Variants in SLC25A40 observed in about 807,000 individuals in gnomAD.
SLC25A40 encodes mitochondrial glutathione transporter SLC25A40.
A neutral mutation model predicts 46.5 loss-of-function variants in SLC25A40; 41 were observed. The ratio of observed to expected loss-of-function variants is 0.88; its 90% confidence interval spans 0.69 to 1.14. The LOEUF is 1.14. Among genes scored for constraint, SLC25A40 ranks in the 50% most tolerant of loss-of-function variants. SLC25A40 has a pLI of 0.00. For missense variants in SLC25A40, 386 were observed against 393.6 expected (o/e 0.98, Z 0.16); for synonymous variants, 126 against 127.5 (o/e 0.99, Z 0.08).
At chr7:87,853,236 C>T (rs1250161524) in intron 5 of SLC25A40, among the ~76,000 whole-genome samples, 1 of 152,160 alleles carries the variant, frequency 6.6e-6, no homozygotes, top group Non-Finnish European at 1.5e-5. Flanking sequence ...TGTTCAACAT[C>T]ATTAGCCACT....
In SLC25A40 at chr7:87,835,007, C is replaced by A. The variant is rs1341997603; in HGVS notation, c.*1242G>T. On this transcript the variant is annotated 3_prime_UTR_variant, in exon 12 of 12. Coordinates refer to ENST00000341119, the MANE Select transcript of SLC25A40 (RefSeq NM_018843.4). ...TCCTCTACCAGCACTAAAGACTTGT[C>A]ATCTAAATATATTCATTTTAGGGGA... The A allele has an allele frequency of 1.3e-5, 2 of 151,216 alleles. No individual in the cohort carries two copies. The allele number at this position is 151,216 out of a possible 1,614,324, so 9.4% of individuals were successfully genotyped here.
chr7:87,852,468 C>CG (rs1163626132), intron 5 of SLC25A40, among the ~76,000 whole-genome samples: 12 of 151,974 alleles, frequency 7.9e-5, no homozygotes, highest in Middle Eastern at 3.4e-3. Context: ...ATTTGGGAGA[C>CG]GGAGGTGGGA....
In SLC25A40 at chr7:87,833,630, A is replaced by G. The variant is rs1171017400; in HGVS notation, c.*2619T>C. On this transcript the variant is annotated 3_prime_UTR_variant, in exon 12 of 12. Transcript: ENST00000341119. ...TAGAAGAAAATTCAAAAGGGATACA[A>G]TAAACTTTTCCATATCCCAAAAACT... 1 of 151,990 alleles carries G rather than the reference A, an allele frequency of 6.6e-6. No homozygotes were observed. The highest frequency in any genetic ancestry group is 2.4e-5 in the African/African-American group (1 of 41,430). The allele number at this position is 151,990 out of a possible 1,614,324, so 9.4% of individuals were successfully genotyped here.
At chr7:87,836,879 T>G in intron 10 of SLC25A40, 69 bp from the exon 11 acceptor site, 1 of 936,930 alleles carries the variant, frequency 1.1e-6, no homozygotes, top group Non-Finnish European at 1.5e-6. Context: ...ACAGATAACA[T>G]AGTGTCCATG....
chr7:87,837,514 C>G (rs1472936228), intron 10 of SLC25A40, among the ~76,000 whole-genome samples: 1 of 150,954 alleles, frequency 6.6e-6, no homozygotes, highest in African/African-American at 2.4e-5. Flanking sequence ...AATAACATCT[C>G]GCTTATTTGC....
At chr7:87,865,435 TAG>T (rs1393866281) in intron 1 of SLC25A40, among the ~76,000 whole-genome samples, 1 of 152,210 alleles carries the variant, frequency 6.6e-6, no homozygotes, top group Non-Finnish European at 1.5e-5. Flanking sequence ...TGCTTCATAC[TAG>T]AGTTATGAGT....
intron 1 of SLC25A40, among the ~76,000 whole-genome samples, chr7:87,865,838 T>C (rs1370455035): frequency 3.3e-5 from 5 of 152,002 alleles, no homozygotes; most frequent in African/African-American, 1.2e-4. Context: ...TCCCAGCAGT[T>C]TGGAATGCCA....
intron 10 of SLC25A40, among the ~76,000 whole-genome samples, chr7:87,837,999 GC>G (rs1838280787): frequency 6.6e-6 from 1 of 151,458 alleles, no homozygotes; most frequent in Non-Finnish European, 1.5e-5. Context: ...CTAGAATTTT[GC>G]CACTTAATGG....
Position 87,847,846 on chromosome 7 carries a change from TACTC to T in SLC25A40, c.457+3_457+6del. 1 of 1,591,362 alleles carries T rather than the reference TACTC, an allele frequency of 6.3e-7. No individual in the cohort carries two copies. The highest frequency in any genetic ancestry group is 8.5e-7 in the Non-Finnish European group (1 of 1,173,892). On this transcript the variant is annotated splice_donor_5th_base_variant and intron_variant, in intron 7 of 11. Transcript: ENST00000341119. ...AATCAAAATGAAAATAAAGATTTATTACTCACATCTGGCTACAATTCCAGCAACA... is the reference window on the plus strand; with the variant it reads ...AATCAAAATGAAAATAAAGATTTATTACATCTGGCTACAATTCCAGCAACA...
chr7:87,863,936 T>A (rs1038648098), intron 1 of SLC25A40, among the ~76,000 whole-genome samples: 6 of 152,200 alleles, frequency 3.9e-5, no homozygotes, highest in African/African-American at 1.4e-4. Flanking sequence ...CACATATGAC[T>A]GAGAACATGT....
intron 6 of SLC25A40, 72 bp from the exon 7 acceptor site, chr7:87,848,049 T>C (rs1472037937): frequency 2.4e-5 from 36 of 1,479,424 alleles, no homozygotes; most frequent in Non-Finnish European, 3.1e-5. Context: ...TAAATTCAAA[T>C]ATTATTATAT....
intron 5 of SLC25A40, 69 bp from the exon 6 acceptor site, chr7:87,850,017 A>G: frequency 1.1e-6 from 1 of 932,058 alleles, no homozygotes; most frequent in East Asian, 2.9e-5. Flanking sequence ...ATTTATACTG[A>G]TGATTGGTAA....
chr7:87,836,879 T>C, intron 10 of SLC25A40, 69 bp from the exon 11 acceptor site: 1 of 936,932 alleles, frequency 1.1e-6, no homozygotes, highest in Non-Finnish European at 1.5e-6. Flanking sequence ...ACAGATAACA[T>C]AGTGTCCATG....
At chr7:87,862,940 C>A (rs1375341582) in intron 1 of SLC25A40, among the ~76,000 whole-genome samples, 1 of 152,062 alleles carries the variant, frequency 6.6e-6, no homozygotes, top group Non-Finnish European at 1.5e-5. Context: ...TACCTCCCAC[C>A]AGGTCTCTCC....
At chr7:87,848,685 A>G (rs12532358) in intron 6 of SLC25A40, among the ~76,000 whole-genome samples, 7,446 of 152,330 alleles carry the variant, frequency 0.049, 275 homozygotes, top group East Asian at 0.092. Flanking sequence ...ACTATTTTAA[A>G]AGAAATTATT....
chr7:87,849,289 C>T (rs944145740), intron 6 of SLC25A40, among the ~76,000 whole-genome samples: 1 of 152,092 alleles, frequency 6.6e-6, no homozygotes, highest in Non-Finnish European at 1.5e-5. Context: ...CTGGACAACT[C>T]GTGAGAATAT....
At chr7:87,856,483 A>C in intron 3 of SLC25A40, 132 bp from the exon 4 acceptor site, 1 of 809,166 alleles carries the variant, frequency 1.2e-6, no homozygotes, top group Non-Finnish European at 2.2e-6. Flanking sequence ...ATTTATCTTA[A>C]AGTAGTCTTG....
intron 7 of SLC25A40, 79 bp downstream of exon 7, chr7:87,847,774 A>G (rs1276081643): frequency 7.2e-7 from 1 of 1,393,314 alleles, no homozygotes; most frequent in Non-Finnish European, 9.7e-7. Context: ...TATATATTAT[A>G]CAAATTATCT....
intron 9 of SLC25A40, among the ~76,000 whole-genome samples, chr7:87,843,061 C>T (rs1442822888): frequency 6.6e-6 from 1 of 152,048 alleles, no homozygotes; most frequent in Non-Finnish European, 1.5e-5. Flanking sequence ...TGCAAGTCTG[C>T]ATCACTTCAC....
Sources: gnomAD v4.1 joint callset for allele counts (sites outside exome capture counted in the v4.1 genomes callset) on GRCh38, gnomAD v4.1.1 for gene constraint, MANE v1.5 for transcripts, NCBI Gene and HGNC (gene_info 2026-07-23, HGNC 2026-07-21) for gene names.